Variants in FAM180A observed in about 807,000 individuals in gnomAD.
FAM180A encodes the protein family with sequence similarity 180 member A.
Under a neutral mutation model 15.3 loss-of-function variants are expected in FAM180A, and 14 were observed. The ratio of observed to expected loss-of-function variants is 0.92; its 90% CI spans 0.61 to 1.43. The LOEUF is 1.43. FAM180A is among the 40% of genes most tolerant of loss of function. The pLI is 0.00. For missense variants in FAM180A, 200 were observed against 220.8 expected (o/e 0.91, Z 0.60); for synonymous variants, 90 against 96.8 (o/e 0.93, Z 0.41).
chr7:135,735,173 G>A lies in FAM180A; in HGVS notation c.178-854C>T, dbSNP rs112349533. On this transcript the variant is annotated intron_variant, in intron 2 of 3. Transcript: ENST00000338588. ...CAGCCTCGACCTCCCAAAAGTGCTG[G>A]GATTACAGGCATGAGCCACTACCCC... 9.5e-3 allele frequency among the ~76,000 whole-genome samples: 1,439 copies of A among 152,244 alleles called. 28 individuals are homozygous for A. Among genetic ancestry groups the A allele is most frequent in the East Asian group, 0.07 (360 of 5,170 alleles).
At chr7:135,746,336 T>A (rs1006720590) in intron 1 of FAM180A, among the ~76,000 whole-genome samples, 7 of 152,264 alleles carry the variant, frequency 4.6e-5, no homozygotes, top group African/African-American at 1.7e-4. Flanking sequence ...ATTTATATTG[T>A]GCTTTGTCAT....
At chr7:135,745,725 A>G (rs888003259) in intron 1 of FAM180A, among the ~76,000 whole-genome samples, 1 of 147,838 alleles carries the variant, frequency 6.8e-6, no homozygotes, top group Non-Finnish European at 1.5e-5. Flanking sequence ...TTACATCTAC[A>G]TTTACATTTT....
At position 135,729,987 on chromosome 7, in the gene FAM180A, G is replaced by T. The variant is rs552930719; in HGVS notation, c.*624C>A. On this transcript the variant is annotated 3_prime_UTR_variant, in exon 4 of 4. Transcript: ENST00000338588. Reference sequence around the variant, plus strand: ...CATATGCTTAAAAATGGTTAAGATGGTACATTTTACCTGATGTGTTTTTTA... The same window carrying T: ...CATATGCTTAAAAATGGTTAAGATGTTACATTTTACCTGATGTGTTTTTTA... The T allele has an allele frequency of 4.2e-6, 4 of 954,248 alleles. No individual in the cohort carries two copies. Among genetic ancestry groups the T allele is most frequent in the Non-Finnish European group, 3.7e-6 (3 of 801,672 alleles). 59.1% of individuals were successfully genotyped at this position (954,248 alleles called of 1,614,324 possible).
intron 3 of FAM180A, 44 bp downstream of exon 3, chr7:135,733,602 C>A: frequency 1.1e-5 from 11 of 971,108 alleles, no homozygotes; most frequent in Non-Finnish European, 1.4e-5. Flanking sequence ...CTGTCTCAGC[C>A]TCCTAAAGTG....
chr7:135,730,886 A>G (rs1158002931), intron 3 of FAM180A, among the ~76,000 whole-genome samples: 1 of 152,228 alleles, frequency 6.6e-6, no homozygotes, highest in African/African-American at 2.4e-5. Context: ...CATTCAGATT[A>G]AAATAGTTTT....
rs527909182 is a variant in FAM180A at position 135,739,707 on chromosome 7, T to C, written c.77-2508A>G. Among the ~76,000 whole-genome samples, 241 of 151,832 alleles carry C rather than the reference T, an allele frequency of 1.6e-3. 1 individual carries two copies. The highest frequency in any genetic ancestry group is 4.9e-3 in the African/African-American group (203 of 41,374). On this transcript the variant is annotated intron_variant, in intron 1 of 3. Coordinates refer to ENST00000338588, the MANE Select transcript of FAM180A (RefSeq NM_205855.4). ...AAAAAAAAAAAAAAGGAAACATCTT[T>C]AACTTAGAGGAACTTTCCTGAAAAG...
At chr7:135,731,412 T>C (rs1287830780) in intron 3 of FAM180A, among the ~76,000 whole-genome samples, 1 of 151,806 alleles carries the variant, frequency 6.6e-6, no homozygotes, top group Non-Finnish European at 1.5e-5. Context: ...CAGTGAGTGT[T>C]AGAGTGTGGG....
At chr7:135,735,118 G>A (rs375021105) in intron 2 of FAM180A, among the ~76,000 whole-genome samples, 123 of 152,194 alleles carry the variant, frequency 8.1e-4, no homozygotes, top group African/African-American at 2.6e-3. Flanking sequence ...GGTCCGGCTG[G>A]TCTCGAACTC....
intron 1 of FAM180A, among the ~76,000 whole-genome samples, chr7:135,743,568 A>C (rs940042249): frequency 3.9e-5 from 6 of 152,044 alleles, no homozygotes; most frequent in African/African-American, 1.4e-4. Flanking sequence ...AGCTCTGCCT[A>C]TTGCACACCT....
chr7:135,742,005 C>T (rs942769917), intron 1 of FAM180A, among the ~76,000 whole-genome samples: 4 of 152,180 alleles, frequency 2.6e-5, no homozygotes, highest in Admixed American at 6.5e-5. Flanking sequence ...CTCCCTTCCT[C>T]ACCCCCACCC....
intron 1 of FAM180A, among the ~76,000 whole-genome samples, chr7:135,741,036 GC>G (rs1796941050): frequency 6.6e-6 from 1 of 151,930 alleles, no homozygotes; most frequent in Non-Finnish European, 1.5e-5. Flanking sequence ...AGGGCGTGGA[GC>G]CCTTTCTGCT....
In FAM180A at chr7:135,734,098, T is replaced by C; in HGVS notation, c.399A>G (p.Thr133=). The C allele has an allele frequency of 6.2e-7, 1 of 1,614,214 alleles. No individual in the cohort carries two copies. Among genetic ancestry groups the C allele is most frequent in the Non-Finnish European group, 8.5e-7 (1 of 1,180,036 alleles). Residue 133 remains threonine, a synonymous_variant, in exon 3 of 4, where the codon ACA becomes ACG. Transcript: ENST00000338588. ...CGTGGGACAGGGCTGTGCGGTAGGC[T>C]GTGTAGGCCAGGGTCAGCACTGTCC... The part of the protein sequence containing the change: ...FERTVLTLAY[T]AYRTALSHGH...
Position 135,730,179 on chromosome 7 carries a change from T to C in FAM180A, c.*432A>G. The C allele has an allele frequency of 1.0e-6, 1 of 985,386 alleles. No homozygotes were observed. The highest frequency in any genetic ancestry group is 1.2e-6 in the Non-Finnish European group (1 of 829,918). 61.0% of individuals were successfully genotyped at this position (985,386 alleles called of 1,614,324 possible). On this transcript the variant is annotated 3_prime_UTR_variant, in exon 4 of 4. Transcript: ENST00000338588. The stretch of plus-strand genomic sequence containing the variant: ...ATGAAGTCTGCAGCAGTTAAATGTC[T>C]GTTGATGTCTCTTGAGTGACATTGG...
intron 1 of FAM180A, among the ~76,000 whole-genome samples, chr7:135,744,930 C>T (rs1797008895): frequency 6.6e-6 from 1 of 152,102 alleles, no homozygotes; most frequent in Admixed American, 6.6e-5. Context: ...GGTCTTGCTC[C>T]ATCATCCAGG....
Position 135,733,672 on chromosome 7 carries a change from A to C in FAM180A, c.*303T>G, listed in dbSNP as rs912333718. The C allele has an allele frequency of 7.0e-6, 8 of 1,138,878 alleles. No homozygotes were observed. The African/African-American group carries it at 1.3e-4, about 18-fold the overall frequency. 70.5% of individuals were successfully genotyped at this position (1,138,878 alleles called of 1,614,324 possible). A position where few individuals can be genotyped will look rare whatever the true frequency, so the allele number is the denominator to read the frequency against. The stretch of plus-strand genomic sequence containing the variant: ...TGTTCTCACTCTTGAGTGTGTGGCC[A>C]CTGCTCTGGGTTGAAGCATATCAGA... On this transcript the variant is annotated 3_prime_UTR_variant, in exon 3 of 4. Coordinates refer to ENST00000338588, the MANE Select transcript of FAM180A (RefSeq NM_205855.4).
intron 1 of FAM180A, among the ~76,000 whole-genome samples, chr7:135,739,510 G>T (rs1213441630): frequency 1.3e-5 from 2 of 151,708 alleles, no homozygotes; most frequent in Non-Finnish European, 2.9e-5. Flanking sequence ...TACTTGGGAG[G>T]CTGAGGCAGG....
At chr7:135,743,915 T>C (rs1796992109) in intron 1 of FAM180A, among the ~76,000 whole-genome samples, 1 of 152,210 alleles carries the variant, frequency 6.6e-6, no homozygotes, top group Non-Finnish European at 1.5e-5. Context: ...CCTTTTCTAA[T>C]AGGGTGAATC....
chr7:135,746,364 C>T (rs1172257786), intron 1 of FAM180A, among the ~76,000 whole-genome samples: 1 of 152,160 alleles, frequency 6.6e-6, no homozygotes, highest in Non-Finnish European at 1.5e-5. Context: ...GTATTTTCAT[C>T]TATATTTTTG....
In FAM180A at chr7:135,730,682, C is replaced by T. The variant is rs1307746395; in HGVS notation, c.*330-401G>A. ...TAATTATAACCAAATGTGACCCCTTCGTGACTGTAGTTGTATAGAGTGTGG... is the reference window on the plus strand; with the variant it reads ...TAATTATAACCAAATGTGACCCCTTTGTGACTGTAGTTGTATAGAGTGTGG... On this transcript the variant is annotated intron_variant, in intron 3 of 3. Coordinates refer to ENST00000338588, the MANE Select transcript of FAM180A (RefSeq NM_205855.4). 3.9e-5 allele frequency among the ~76,000 whole-genome samples: 6 copies of T among 152,166 alleles called. No individual in the cohort carries two copies. The South Asian group carries it at 6.2e-4, about 16-fold the overall frequency.
Sources: allele counts gnomAD v4.1 joint callset (sites outside exome capture counted in the v4.1 genomes callset), GRCh38; gene constraint gnomAD v4.1.1; transcripts MANE v1.5; gene names NCBI Gene and HGNC (gene_info 2026-07-23, HGNC 2026-07-21).